The following RP1 variants were observed in gnomAD, a reference collection of about 807,000 sequenced individuals.
RP1 encodes the protein RP1 axonemal microtubule associated.
In RP1, 16 loss-of-function variants were observed where a neutral mutation model predicts 14.8. The ratio of observed to expected loss-of-function variants is 1.08; its 90% CI spans 0.73 to 1.65. The LOEUF is 1.65. RP1 is among the 40% of genes most tolerant of loss of function. The pLI, the probability that RP1 is intolerant of heterozygous loss-of-function variation, is 0.00. For missense variants in RP1, 2,631 were observed against 2,535.0 expected (o/e 1.04, Z -0.81); for synonymous variants, 876 against 883.6 (o/e 0.99, Z 0.15).
At chr8:54,834,143 C>G (rs1172166803) in intron 24 of RP1, among the ~76,000 whole-genome samples, 1 of 151,878 alleles carries the variant, frequency 6.6e-6, no homozygotes, top group Non-Finnish European at 1.5e-5. Flanking sequence ...AAACTTAAGA[C>G]TTAAGTTTAA....
chr8:54,634,731 C>T (rs538091196), downstream of RP1, among the ~76,000 whole-genome samples: 4 of 152,276 alleles, frequency 2.6e-5, no homozygotes, highest in Non-Finnish European at 5.9e-5. Flanking sequence ...AGAGAAGATA[C>T]GTTCATCTTG....
chr8:54,789,857 C>A (rs1432576129), intron 24 of RP1, among the ~76,000 whole-genome samples: 1 of 152,198 alleles, frequency 6.6e-6, no homozygotes, highest in Admixed American at 6.5e-5. Context: ...AATAACCCTG[C>A]TGAACTGTGA....
intron 25 of RP1, among the ~76,000 whole-genome samples, chr8:54,849,342 G>GA (rs951504869): frequency 1.3e-4 from 20 of 149,732 alleles, no homozygotes; most frequent in South Asian, 4.2e-4. Context: ...AATTGGACTG[G>GA]AAAAAAAAAA....
intron 19 of RP1, among the ~76,000 whole-genome samples, chr8:54,753,989 A>G (rs1304156362): frequency 6.6e-6 from 1 of 152,182 alleles, no homozygotes; most frequent in African/African-American, 2.4e-5. Flanking sequence ...GGACATTTTT[A>G]TCTATTGTGA....
intron 24 of RP1, among the ~76,000 whole-genome samples, chr8:54,789,106 C>A (rs1810399538): frequency 6.6e-6 from 1 of 152,178 alleles, no homozygotes; most frequent in African/African-American, 2.4e-5. Context: ...GGGCTAGATT[C>A]TATGGGGTCA....
chr8:54,749,822 C>A (rs1303451575), intron 19 of RP1, among the ~76,000 whole-genome samples: 1 of 150,334 alleles, frequency 6.7e-6, no homozygotes, highest in Non-Finnish European at 1.5e-5. Context: ...GGAGACCTGG[C>A]TTAGAGGACA....
intron 24 of RP1, among the ~76,000 whole-genome samples, chr8:54,824,270 C>T (rs1011769414): frequency 6.6e-6 from 1 of 152,104 alleles, no homozygotes; most frequent in African/African-American, 2.4e-5. Context: ...AATAAGGGAA[C>T]ACCACAAACA....
At chr8:54,688,238 A>C (rs1807615618) in intron 12 of RP1, among the ~76,000 whole-genome samples, 1 of 152,154 alleles carries the variant, frequency 6.6e-6, no homozygotes, top group Non-Finnish European at 1.5e-5. Flanking sequence ...GTAGATTGCA[A>C]AACTTTTCTC....
At chr8:54,667,942 T>C (rs1047565925) in intron 7 of RP1, among the ~76,000 whole-genome samples, 5 of 152,128 alleles carry the variant, frequency 3.3e-5, no homozygotes, top group African/African-American at 1.2e-4. Context: ...CTTCTGAAAC[T>C]ATTCCAATCA....
At chr8:54,845,884 C>T (rs1811906420) in intron 25 of RP1, among the ~76,000 whole-genome samples, 1 of 152,178 alleles carries the variant, frequency 6.6e-6, no homozygotes, top group South Asian at 2.1e-4. Flanking sequence ...TTAGAAGTGG[C>T]CCTTCCTCCT....
At chr8:54,774,223 A>T (rs763457328), downstream of RP1, among the ~76,000 whole-genome samples, 13 of 152,108 alleles carry the variant, frequency 8.5e-5, no homozygotes, top group Non-Finnish European at 1.8e-4. Flanking sequence ...CTGTTGTGTC[A>T]GCCTCATTTC....
At chr8:54,826,986 T>A (rs1811398631) in intron 24 of RP1, among the ~76,000 whole-genome samples, 1 of 152,218 alleles carries the variant, frequency 6.6e-6, no homozygotes, top group African/African-American at 2.4e-5. Context: ...ACAATGATAA[T>A]GACTTACGTA....
At chr8:54,784,606 T>C (rs1410591019) in intron 24 of RP1, among the ~76,000 whole-genome samples, 1 of 152,148 alleles carries the variant, frequency 6.6e-6, no homozygotes, top group Non-Finnish European at 1.5e-5. Context: ...ATGGTATTAC[T>C]CTTGATCCAT....
rs1806039091 is a variant in RP1 at position 54,626,156 on chromosome 8, T to C, written c.2274T>C (p.His758=). ...NLNSTISKNF[H]RNKLNTTQNS... ...ATTCCACGATTTCCAAGAATTTCCATAGAAATAAATTAAATACTACTCAAA... is the reference window on the plus strand; with the variant it reads ...ATTCCACGATTTCCAAGAATTTCCACAGAAATAAATTAAATACTACTCAAA... The change falls in exon 4 of 4, where the codon CAT becomes CAC. Residue 758 remains histidine, a synonymous_variant. Transcript: ENST00000220676. The C allele has an allele frequency of 2.5e-6, 4 of 1,612,484 alleles. No individual in the cohort carries two copies. The East Asian group carries it at 6.7e-5, about 27-fold the overall frequency.
intron 27 of RP1, among the ~76,000 whole-genome samples, chr8:54,862,710 G>A (rs140212830): frequency 7.4e-4 from 112 of 152,108 alleles, no homozygotes; most frequent in African/African-American, 2.3e-3. Context: ...CATGAAAGAC[G>A]GAAAGTCCCC....
chr8:54,757,834 G>A (rs1169139165), intron 21 of RP1, among the ~76,000 whole-genome samples: 1 of 152,194 alleles, frequency 6.6e-6, no homozygotes, highest in Admixed American at 6.5e-5. Flanking sequence ...TGAGAATGCA[G>A]GACAGTGACA....
intron 22 of RP1, among the ~76,000 whole-genome samples, chr8:54,760,504 G>A (rs1228071108): frequency 6.6e-6 from 1 of 151,962 alleles, no homozygotes; most frequent in African/African-American, 2.4e-5. Context: ...AAAATATGGG[G>A]GAAAATAATG....
chr8:54,857,282 A>G (rs1344668288), intron 27 of RP1, among the ~76,000 whole-genome samples: 1 of 147,702 alleles, frequency 6.8e-6, no homozygotes, highest in Non-Finnish European at 1.5e-5. Flanking sequence ...TATAATTTAC[A>G]TTGAATATAT....
At chr8:54,642,392 T>C (rs1806469950) in intron 3 of RP1, among the ~76,000 whole-genome samples, 1 of 152,154 alleles carries the variant, frequency 6.6e-6, no homozygotes, top group Non-Finnish European at 1.5e-5. Flanking sequence ...AAATAAACAA[T>C]GTCTTCCTTC....
Sources: gnomAD v4.1 joint callset for allele counts (sites outside exome capture counted in the v4.1 genomes callset) on GRCh38, gnomAD v4.1.1 for gene constraint, MANE v1.5 for transcripts, NCBI Gene and HGNC (gene_info 2026-07-23, HGNC 2026-07-21) for gene names.